The following PCDH15 variants were observed in gnomAD, a reference collection of about 807,000 sequenced individuals.
PCDH15 encodes the protein protocadherin-15.
PCDH15 carries 129 observed loss-of-function variants against 178.5 expected under a neutral mutation model. The ratio of observed to expected loss-of-function variants is 0.72; its 90% CI spans 0.63 to 0.84. PCDH15 has a LOEUF of 0.84. Among genes scored for constraint, PCDH15 ranks in the 40% least tolerant of loss-of-function variants. The pLI is 0.00. For synonymous variants in PCDH15, 800 were observed against 732.0 expected (o/e 1.09, Z -1.50); for missense variants, 2,230 against 2,099.9 (o/e 1.06, Z -1.21).
chr10:55,611,512 G>A lies in PCDH15; in HGVS notation c.-156+16113C>T, dbSNP rs969398116. Among the ~76,000 whole-genome samples, 36 of 152,118 alleles carry A rather than the reference G, an allele frequency of 2.4e-4. 1 individual carries two copies. Among genetic ancestry groups the A allele is most frequent in the African/African-American group, 7.9e-4 (33 of 41,546 alleles). Reference sequence around the variant, plus strand: ...AAAGAAAAATGAAAGACAAGTGTTGGTGAGGATTTGAAGAAAAGAGAACAC... The same window carrying A: ...AAAGAAAAATGAAAGACAAGTGTTGATGAGGATTTGAAGAAAAGAGAACAC... On this transcript the variant is annotated intron_variant, in intron 2 of 5. Transcript: ENST00000613346.
intron 7 of PCDH15, among the ~76,000 whole-genome samples, chr10:54,328,809 G>T (rs1199470008): frequency 1.3e-5 from 2 of 151,902 alleles, no homozygotes; most frequent in African/African-American, 4.8e-5. Flanking sequence ...GAAGTATAAG[G>T]ATGGAAGGAA....
chr10:54,274,889 T>C (rs1254187856), intron 8 of PCDH15, among the ~76,000 whole-genome samples: 1 of 151,920 alleles, frequency 6.6e-6, no homozygotes, highest in South Asian at 2.1e-4. Flanking sequence ...ATAAAAGACC[T>C]ATAGTGAATA....
At chr10:55,011,250 G>A (rs1378181894) in intron 2 of PCDH15, among the ~76,000 whole-genome samples, 1 of 152,006 alleles carries the variant, frequency 6.6e-6, no homozygotes, top group Non-Finnish European at 1.5e-5. Context: ...GAAATTGCCA[G>A]AAAATATATA....
intron 1 of PCDH15, among the ~76,000 whole-genome samples, chr10:54,676,905 C>T (rs1024185546): frequency 2.0e-5 from 3 of 152,126 alleles, no homozygotes; most frequent in Non-Finnish European, 2.9e-5. Flanking sequence ...AAGTAGAAAT[C>T]TTAAGACTAG....
intron 2 of PCDH15, among the ~76,000 whole-genome samples, chr10:55,467,533 G>A (rs1009138711): frequency 1.8e-4 from 27 of 152,070 alleles, no homozygotes; most frequent in Non-Finnish European, 3.7e-4. Context: ...ATGGATGTTA[G>A]CCATATTTTA....
chr10:55,060,329 T>C (rs1331072560), intron 2 of PCDH15, among the ~76,000 whole-genome samples: 1 of 152,070 alleles, frequency 6.6e-6, no homozygotes, highest in Non-Finnish European at 1.5e-5. Context: ...TAAATTGATT[T>C]GGTTTATAAT....
chr10:54,088,177 C>T (rs1022552247), intron 16 of PCDH15, among the ~76,000 whole-genome samples: 9 of 152,138 alleles, frequency 5.9e-5, no homozygotes, highest in Admixed American at 2.0e-4. Flanking sequence ...CATAAATTTA[C>T]GCAGATTTCA....
At chr10:55,412,530 T>C (rs1201262414) in intron 2 of PCDH15, among the ~76,000 whole-genome samples, 4 of 151,874 alleles carry the variant, frequency 2.6e-5, no homozygotes, top group Admixed American at 1.3e-4. Context: ...TTTCAAATTA[T>C]GAATGGCACA....
Position 53,806,665 on chromosome 10 carries a change from A to G in PCDH15, c.5137T>C (p.Phe1713Leu). 2 of 1,613,844 alleles carry G rather than the reference A, an allele frequency of 1.2e-6. No homozygotes were observed. Among genetic ancestry groups the G allele is most frequent in the Non-Finnish European group, 1.7e-6 (2 of 1,179,802 alleles). ...TCAGACTGTGTGTGGTCACTATGAAATTCCAAAGCCTCCTTGATGTTCTTA... is the reference window on the plus strand; with the variant it reads ...TCAGACTGTGTGTGGTCACTATGAAGTTCCAAAGCCTCCTTGATGTTCTTA... ...DSKNIKEALE[F>L]HSDHTQSDDE... The change falls in exon 38 of 38, where the codon TTT becomes CTT. Residue 1713 changes from phenylalanine (F) to leucine (L), a missense_variant. Physicochemically the swap from Phe to Leu is conservative, Grantham distance 22. Transcript: ENST00000644397.
At chr10:55,363,978 T>C (rs1001168632) in intron 2 of PCDH15, among the ~76,000 whole-genome samples, 2 of 152,068 alleles carry the variant, frequency 1.3e-5, no homozygotes, top group Admixed American at 1.3e-4. Context: ...ATTGTAATCC[T>C]CATAATCCCC....
At chr10:54,853,402 C>CACAA (rs1953676502) in intron 3 of PCDH15, among the ~76,000 whole-genome samples, 1 of 141,830 alleles carries the variant, frequency 7.1e-6, no homozygotes, top group African/African-American at 2.6e-5. Context: ...TATATACACA[C>CACAA]ACATATATAT....
upstream of PCDH15, among the ~76,000 whole-genome samples, chr10:55,320,650 C>G (rs1010209188): frequency 6.6e-6 from 1 of 152,108 alleles, no homozygotes; most frequent in African/African-American, 2.4e-5. Context: ...GCCACCCCCC[C>G]CAGAATTAGA....
At position 54,389,084 on chromosome 10, in the gene PCDH15, A is replaced by G. The variant is rs1950232281; in HGVS notation, c.158-10142T>C. 2.0e-5 allele frequency among the ~76,000 whole-genome samples: 3 copies of G among 152,104 alleles called. No homozygotes were observed. In the South Asian group the frequency reaches 6.2e-4, roughly 32 times the overall value. On this transcript the variant is annotated intron_variant, in intron 3 of 37. Coordinates refer to ENST00000644397, the MANE Select transcript of PCDH15 (RefSeq NM_001384140.1). ...CACACAGGGTCATTTATTTATCCCTATTGAGACCAGGAAGCCCATTCTGTT... is the reference window on the plus strand; with the variant it reads ...CACACAGGGTCATTTATTTATCCCTGTTGAGACCAGGAAGCCCATTCTGTT...
intron 1 of PCDH15, among the ~76,000 whole-genome samples, chr10:54,723,735 C>T (rs1942038816): frequency 6.6e-6 from 1 of 151,322 alleles, no homozygotes; most frequent in African/African-American, 2.4e-5. Flanking sequence ...TGGGCAAAAA[C>T]ACGGACATTT....
At chr10:55,053,785 ACT>A (rs1197754969) in intron 2 of PCDH15, among the ~76,000 whole-genome samples, 4 of 152,212 alleles carry the variant, frequency 2.6e-5, no homozygotes. Flanking sequence ...TGTCCAGCAC[ACT>A]GTTAGTGTTC....
At chr10:54,500,123 A>G (rs1412608661) in intron 3 of PCDH15, among the ~76,000 whole-genome samples, 1 of 151,178 alleles carries the variant, frequency 6.6e-6, no homozygotes, top group Non-Finnish European at 1.5e-5. Context: ...CATTAAAGAA[A>G]AACAAAACAA....
chr10:55,060,657 A>G (rs1487692369), intron 2 of PCDH15, among the ~76,000 whole-genome samples: 1 of 152,020 alleles, frequency 6.6e-6, no homozygotes, highest in Non-Finnish European at 1.5e-5. Flanking sequence ...AAAATGGATA[A>G]TAGGGGAAGC....
intron 2 of PCDH15, among the ~76,000 whole-genome samples, chr10:54,622,611 TATATATA>T (rs2093396710): frequency 4.8e-5 from 2 of 41,632 alleles, no homozygotes; most frequent in Non-Finnish European, 8.9e-5. Flanking sequence ...TATATATAAT[TATATATA>T]ATATATATAA....
intron 2 of PCDH15, among the ~76,000 whole-genome samples, chr10:55,065,219 C>G (rs1390236315): frequency 6.6e-6 from 1 of 152,038 alleles, no homozygotes; most frequent in Non-Finnish European, 1.5e-5. Flanking sequence ...CTGTCTATAG[C>G]TCTGATCTTA....
Sources: allele counts gnomAD v4.1 joint callset (sites outside exome capture counted in the v4.1 genomes callset), GRCh38; gene constraint gnomAD v4.1.1; transcripts MANE v1.5; gene names NCBI Gene and HGNC (gene_info 2026-07-23, HGNC 2026-07-21).